GNG7: variants seen among roughly 807,000 people sequenced by gnomAD.
GNG7 encodes G protein subunit gamma 7.
Under a neutral mutation model 4.0 loss-of-function variants are expected in GNG7, and 1 was observed. The ratio of observed to expected loss-of-function variants is 0.25; its 90% confidence interval spans 0.09 to 1.18. The LOEUF is 1.18. Among genes scored for constraint, GNG7 ranks in the 50% most tolerant of loss-of-function variants. The pLI, the probability that GNG7 is intolerant of heterozygous loss-of-function variation, is 0.50. For synonymous variants in GNG7, 34 were observed against 36.9 expected (o/e 0.92, Z 0.29); for missense variants, 86 against 91.9 (o/e 0.94, Z 0.26).
intron 1 of GNG7, among the ~76,000 whole-genome samples, chr19:2,697,796 C>A (rs996603483): frequency 1.3e-5 from 2 of 150,310 alleles, no homozygotes; most frequent in Admixed American, 6.6e-5. Flanking sequence ...TCCCCCCCCC[C>A]GCCCGTCTCT....
At chr19:2,518,607 T>C (rs1010955889) in intron 4 of GNG7, among the ~76,000 whole-genome samples, 8 of 151,962 alleles carry the variant, frequency 5.3e-5, no homozygotes, top group African/African-American at 1.9e-4. Context: ...GACGACTCTG[T>C]CCGCCTCCCC....
intron 2 of GNG7, among the ~76,000 whole-genome samples, chr19:2,639,758 A>AAGGAGGGAGGGAGGGGGAGGAC (rs1982439434): frequency 1.2e-3 from 1 of 848 alleles, no homozygotes. Context: ...AGGGGGAGGA[A>AAGGAGGGAGGGAGGGGGAGGAC]GGAGGGGGGA....
chr19:2,569,764 C>T (rs906959657), intron 2 of GNG7, among the ~76,000 whole-genome samples: 1 of 152,146 alleles, frequency 6.6e-6, no homozygotes, highest in Non-Finnish European at 1.5e-5. Flanking sequence ...GCATCCCCAT[C>T]GGGACAACCA....
chr19:2,543,858 G>T (rs577336330), intron 3 of GNG7, among the ~76,000 whole-genome samples: 1 of 152,256 alleles, frequency 6.6e-6, no homozygotes, highest in East Asian at 1.9e-4. Context: ...GGCGGGAGGG[G>T]CGGCCGGCCT....
At chr19:2,545,160 C>A (rs1979084223) in intron 3 of GNG7, among the ~76,000 whole-genome samples, 1 of 151,666 alleles carries the variant, frequency 6.6e-6, no homozygotes, top group Non-Finnish European at 1.5e-5. Context: ...GTAATTCCGT[C>A]CCCCAGGGGA....
chr19:2,657,337 T>TTA (rs1983001019), intron 1 of GNG7, among the ~76,000 whole-genome samples: 1 of 13,952 alleles, frequency 7.2e-5, no homozygotes, highest in African/African-American at 3.7e-4. Context: ...CCGTCTCAAT[T>TTA]AAAAAAAAAA....
intron 2 of GNG7, among the ~76,000 whole-genome samples, chr19:2,568,349 A>G (rs1980006656): frequency 7.2e-6 from 1 of 138,294 alleles, no homozygotes. Context: ...AGACATACAT[A>G]CACACACGTG....
At position 2,614,265 on chromosome 19, in the gene GNG7, T is replaced by G. The variant is rs555886617; in HGVS notation, c.-78+31959A>C. 6.6e-6 allele frequency among the ~76,000 whole-genome samples: 1 copy of G among 152,288 alleles called. No homozygotes were observed. The highest frequency in any genetic ancestry group is 1.9e-4 in the East Asian group (1 of 5,180). ...TTTCCCTAGCACCCTCTCCCTGCCC[T>G]CTGTGTACCCGCAGGGGGGCCCTGC... is the stretch of plus-strand genomic sequence containing the variant. On this transcript the variant is annotated intron_variant, in intron 2 of 4. Coordinates refer to ENST00000382159, the MANE Select transcript of GNG7 (RefSeq NM_052847.3). This position sits in a 1 kb window ranked among gnomAD's most constrained non-coding sequence, Gnocchi z 6.0.
At chr19:2,585,210 C>A (rs897758295) in intron 2 of GNG7, among the ~76,000 whole-genome samples, 6 of 152,082 alleles carry the variant, frequency 3.9e-5, no homozygotes, top group Non-Finnish European at 7.4e-5. Context: ...AACTTAATTT[C>A]AAATGACTGG....
Position 2,617,722 on chromosome 19 carries a change from A to AT in GNG7, c.-78+28501dup, listed in dbSNP as rs80256787. ...CATCCTATTTTGTCTTTTCCTTTTT[A>AT]TTTTTTTTTTTTTTGAGATAGGGTC... On this transcript the variant is annotated intron_variant, in intron 2 of 4. Transcript: ENST00000382159. The surrounding 1 kb of genome is among the most constrained non-coding windows in gnomAD (Gnocchi z 4.7). 0.068 allele frequency among the ~76,000 whole-genome samples: 9,484 copies of AT among 139,230 alleles called. 824 individuals are homozygous for AT. The highest frequency in any genetic ancestry group is 0.21 in the African/African-American group (7,932 of 38,292). The allele number at this position is 139,230 out of a possible 152,430, so 91.3% of individuals were successfully genotyped here.
Position 2,512,468 on chromosome 19 carries a change from A to C in GNG7, c.*2554T>G. On this transcript the variant is annotated 3_prime_UTR_variant, in exon 5 of 5. Transcript: ENST00000382159. The surrounding 1 kb of genome is among the most constrained non-coding windows in gnomAD (Gnocchi z 4.7). The stretch of plus-strand genomic sequence containing the variant: ...GGAGATGGTGGGGTCTGGACAGCTC[A>C]GGGAACCCAAGGCCCTGTGGACAGT... 1.6e-6 allele frequency: 1 copy of C among 608,474 alleles called. No homozygotes were observed. The highest frequency in any genetic ancestry group is 2.1e-6 in the Non-Finnish European group (1 of 485,704). 37.7% of individuals were successfully genotyped at this position (608,474 alleles called of 1,614,324 possible).
chr19:2,520,358 C>T (rs1321101641), intron 4 of GNG7, among the ~76,000 whole-genome samples: 1 of 152,210 alleles, frequency 6.6e-6, no homozygotes, highest in Non-Finnish European at 1.5e-5. Context: ...ATGACCGTCT[C>T]CACGGGGCCC....
At position 2,572,455 on chromosome 19, in the gene GNG7, C is replaced by T. The variant is rs150451716; in HGVS notation, c.-77-17267G>A. Among the ~76,000 whole-genome samples the T allele has an allele frequency of 7.5e-3, 1,129 of 151,472 alleles. 6 individuals carry two copies. Among genetic ancestry groups the T allele is most frequent in the Non-Finnish European group, 9.5e-3 (643 of 67,846 alleles). ...ACTTTTTCTTTTCTTTTTTTTGAGA[C>T]GGAGTCTCGCTCTGTCGCCAGGCTG... On this transcript the variant is annotated intron_variant, in intron 2 of 4. Transcript: ENST00000382159.
chr19:2,543,856 G>A (rs1979042177), intron 3 of GNG7, among the ~76,000 whole-genome samples: 1 of 152,056 alleles, frequency 6.6e-6, no homozygotes, highest in South Asian at 2.1e-4. Context: ...AAGGCGGGAG[G>A]GGCGGCCGGC....
At chr19:2,551,589 G>GTATTTATAAATATATAGA (rs1421883737) in intron 3 of GNG7, among the ~76,000 whole-genome samples, 1 of 145,756 alleles carries the variant, frequency 6.9e-6, no homozygotes, top group Non-Finnish European at 1.5e-5. Context: ...ATATAAATAT[G>GTATTTATAAATATATAGA]CATTTATAAA....
intron 2 of GNG7, among the ~76,000 whole-genome samples, chr19:2,580,537 T>C (rs1293793528): frequency 1.3e-5 from 2 of 152,026 alleles, no homozygotes; most frequent in African/African-American, 4.8e-5. Flanking sequence ...GGGATCCACC[T>C]GCCTTGACCT....
chr19:2,517,719 T>A (rs1024391451), intron 4 of GNG7, among the ~76,000 whole-genome samples: 19 of 152,098 alleles, frequency 1.2e-4, no homozygotes, highest in Non-Finnish European at 1.8e-4. Context: ...ACTATGTTGC[T>A]CAGGCTGGTC....
At chr19:2,604,639 CAAA>C (rs71178297) in intron 2 of GNG7, among the ~76,000 whole-genome samples, 1 of 87,848 alleles carries the variant, frequency 1.1e-5, no homozygotes. Context: ...GACCCTCCTT[CAAA>C]AAAAAAAAAA....
intron 3 of GNG7, among the ~76,000 whole-genome samples, chr19:2,525,961 C>T (rs1427079180): frequency 1.1e-5 from 1 of 92,018 alleles, no homozygotes; most frequent in Non-Finnish European, 2.2e-5. Flanking sequence ...AGGTGCCTGC[C>T]TCCACGCCAA....
Sources: allele counts gnomAD v4.1 joint callset (sites outside exome capture counted in the v4.1 genomes callset), GRCh38; gene constraint gnomAD v4.1.1; non-coding constraint Gnocchi (gnomAD v3.1); transcripts MANE v1.5; gene names NCBI Gene and HGNC (gene_info 2026-07-23, HGNC 2026-07-21).